The following FGD4 variants were observed in gnomAD, a reference collection of about 807,000 sequenced individuals.
FGD4 encodes the protein FYVE, RhoGEF and PH domain containing 4, also known as FYVE, RhoGEF and PH domain-containing protein 4.
In FGD4, 42 loss-of-function variants were observed where a neutral mutation model predicts 102.0. The observed-to-expected ratio is 0.41, with a 90% CI of 0.32 to 0.53. The LOEUF (loss-of-function observed/expected upper bound fraction) is 0.53, where lower values mean the gene tolerates loss of function less well. Ranked by LOEUF, FGD4 falls within the 20% of genes least tolerant of loss-of-function variation. The pLI, the probability that FGD4 is intolerant of heterozygous loss-of-function variation, is 0.21. For missense variants in FGD4, 902 were observed against 1,078.2 expected, an observed-to-expected ratio of 0.84 and a Z score of 2.29; for synonymous variants, 380 against 375.7, an observed-to-expected ratio of 1.01 and a Z score of -0.13.
intron 1 of FGD4, among the ~76,000 whole-genome samples, chr12:32,520,739 T>C (rs1315259318): frequency 6.6e-6 from 1 of 151,994 alleles, no homozygotes; most frequent in East Asian, 1.9e-4. Context: ...CCTGGCCTAT[T>C]TTTGTGTTTT....
At chr12:32,465,397 C>T (rs904519252) in intron 1 of FGD4, among the ~76,000 whole-genome samples, 5 of 152,010 alleles carry the variant, frequency 3.3e-5, no homozygotes, top group Admixed American at 6.6e-5. Context: ...AGGCTGGGTG[C>T]GGTGGCTCAC....
At chr12:32,612,034 GGT>G (rs1405939708) in intron 10 of FGD4, among the ~76,000 whole-genome samples, 1 of 152,364 alleles carries the variant, frequency 6.6e-6, no homozygotes, top group African/African-American at 2.4e-5. Context: ...AAACCGGCAG[GGT>G]GTGCACACAC....
At chr12:32,511,136 A>G (rs1939320331) in intron 1 of FGD4, 1 of 152,216 alleles carries the variant, frequency 6.6e-6, no homozygotes, top group Admixed American at 6.5e-5. Context: ...TAGTAACCAA[A>G]TTGCTTGCCA....
chr12:32,580,487 T>C (rs950316831), intron 3 of FGD4, among the ~76,000 whole-genome samples: 2 of 152,030 alleles, frequency 1.3e-5, no homozygotes, highest in African/African-American at 2.4e-5. Flanking sequence ...CTCACCGAGT[T>C]TTAGTTGCTT....
intron 16 of FGD4, chr12:32,639,021 A>C: frequency 4.8e-6 from 6 of 1,249,240 alleles, no homozygotes; most frequent in Non-Finnish European, 6.3e-6. Flanking sequence ...TTCTTGTCTC[A>C]TTCAATGGGT....
intron 2 of FGD4, chr12:32,574,692 A>G (rs1038537378): frequency 2.6e-5 from 4 of 152,174 alleles, no homozygotes; most frequent in African/African-American, 9.7e-5. Flanking sequence ...TTCCTTCCCT[A>G]TAATAAATTG....
intron 4 of FGD4, chr12:32,582,996 C>T (rs1226645241): frequency 6.5e-6 from 1 of 153,078 alleles, no homozygotes; most frequent in Non-Finnish European, 1.5e-5. Context: ...AATTAATACC[C>T]AATTTTATAA....
chr12:32,620,751 G>A (rs1949789606), intron 11 of FGD4, among the ~76,000 whole-genome samples: 2 of 140,938 alleles, frequency 1.4e-5, no homozygotes, highest in African/African-American at 5.4e-5. Context: ...AGGCTGGAGT[G>A]CAGTGCCCTG....
intron 3 of FGD4, among the ~76,000 whole-genome samples, chr12:32,579,045 T>TTTTG (rs1424373008): frequency 1.4e-5 from 2 of 138,408 alleles, no homozygotes; most frequent in African/African-American, 5.5e-5. Context: ...AGTGGTTTTT[T>TTTTG]TTTTTTTTTT....
At chr12:32,469,988 G>T (rs1399893406) in intron 1 of FGD4, among the ~76,000 whole-genome samples, 1 of 151,990 alleles carries the variant, frequency 6.6e-6, no homozygotes, top group Non-Finnish European at 1.5e-5. Context: ...AGACTTGTGG[G>T]TTGATAATAT....
chr12:32,621,980 T>C (rs1308244422), intron 11 of FGD4, among the ~76,000 whole-genome samples: 1 of 151,760 alleles, frequency 6.6e-6, no homozygotes, highest in Admixed American at 6.6e-5. Flanking sequence ...CTCCATACCC[T>C]GGGTTCAAGC....
intron 1 of FGD4, among the ~76,000 whole-genome samples, chr12:32,464,711 T>C (rs534282874): frequency 1.3e-5 from 2 of 152,292 alleles, no homozygotes; most frequent in East Asian, 3.9e-4. Flanking sequence ...CCAATTTTTA[T>C]AGATGAAGAA....
chr12:32,547,863 C>A (rs1163775817), intron 1 of FGD4, among the ~76,000 whole-genome samples: 1 of 152,108 alleles, frequency 6.6e-6, no homozygotes, highest in Non-Finnish European at 1.5e-5. Context: ...CCCGCCACCA[C>A]ACCCAGCTAA....
At chr12:32,568,372 A>C (rs1348522703) in intron 2 of FGD4, among the ~76,000 whole-genome samples, 1 of 152,228 alleles carries the variant, frequency 6.6e-6, no homozygotes, top group Non-Finnish European at 1.5e-5. Context: ...GGCCTTGGAA[A>C]CAATGGCTTA....
rs1193948806 is a variant in FGD4, at chr12:32,641,378, A to T, written c.*845A>T. 1 of 152,126 alleles carries T rather than the reference A, an allele frequency of 6.6e-6. No homozygotes were observed. Among genetic ancestry groups the T allele is most frequent in the Non-Finnish European group, 1.5e-5 (1 of 68,010 alleles). The allele number at this position is 152,126 out of a possible 1,614,324, so 9.4% of individuals were successfully genotyped here. On this transcript the variant is annotated 3_prime_UTR_variant, in exon 17 of 17. Transcript: ENST00000534526. ...TTTGTGAATTCCAACAGTACTTTTA[A>T]AGTACCATTTTTTGTTTCTGTGCCT...
chr12:32,456,097 G>A (rs1474513534), intron 1 of FGD4, among the ~76,000 whole-genome samples: 1 of 152,096 alleles, frequency 6.6e-6, no homozygotes, highest in Admixed American at 6.5e-5. Flanking sequence ...TCTAGCTGAT[G>A]TTTTTGCTAA....
chr12:32,467,072 T>G (rs974344117), intron 1 of FGD4, among the ~76,000 whole-genome samples: 3 of 152,062 alleles, frequency 2.0e-5, no homozygotes, highest in Non-Finnish European at 4.4e-5. Flanking sequence ...TAAAACCTAT[T>G]TGAACCAAAT....
Position 32,641,190 on chromosome 12 carries a change from C to T in FGD4, c.*657C>T, listed in dbSNP as rs1951138974. 1 of 151,926 alleles carries T rather than the reference C, an allele frequency of 6.6e-6. No homozygotes were observed. The highest frequency in any genetic ancestry group is 1.5e-5 in the Non-Finnish European group (1 of 67,990). The allele number at this position is 151,926 out of a possible 1,614,324, so 9.4% of individuals were successfully genotyped here. On this transcript the variant is annotated 3_prime_UTR_variant, in exon 17 of 17. Coordinates refer to ENST00000534526, the MANE Select transcript of FGD4 (RefSeq NM_001370298.3). The stretch of plus-strand genomic sequence containing the variant: ...TATATTATACATGCTTTTAGGTTCA[C>T]ATTCATCTCTAATTTATTTTTTAAA...
intron 1 of FGD4, among the ~76,000 whole-genome samples, chr12:32,492,747 T>C (rs1944150952): frequency 1.3e-5 from 2 of 152,226 alleles, no homozygotes. Flanking sequence ...TGATGGGAAA[T>C]AAGCTACGTT....
Sources: allele counts gnomAD v4.1 joint callset (sites outside exome capture counted in the v4.1 genomes callset), GRCh38; gene constraint gnomAD v4.1.1; transcripts MANE v1.5; gene names NCBI Gene and HGNC (gene_info 2026-07-23, HGNC 2026-07-21).